ZNF837: variants seen among roughly 807,000 people sequenced by gnomAD.
ZNF837 encodes zinc finger protein 837.
For synonymous variants in ZNF837, 475 were observed against 365.2 expected, an observed-to-expected ratio of 1.30 and a Z score of -3.43; for missense variants, 955 against 801.7, an observed-to-expected ratio of 1.19 and a Z score of -2.31.
At position 58,367,871 on chromosome 19, in the gene ZNF837, A is replaced by G; in HGVS notation, c.1462T>C (p.Cys488Arg). 6 of 1,535,902 alleles carry G rather than the reference A, an allele frequency of 3.9e-6. No homozygotes were observed. Among genetic ancestry groups the G allele is most frequent in the Non-Finnish European group, 5.2e-6 (6 of 1,144,452 alleles). ...GTGCGCAGGTGGCGCACCAGGCTGC[A>G]GTTGCGCACGAAGGCCTTGCCGCAG... ...RDCGKAFVRN[C>R]SLVRHLRTHT... is the part of the protein sequence containing the mutation. Residue 488 changes from cysteine (C) to arginine (R), a missense_variant, in exon 3 of 3, where the codon TGC becomes CGC. Cys to Arg is a radical substitution (Grantham distance 180, BLOSUM62 -3). Coordinates refer to ENST00000597582, the MANE Select transcript of ZNF837 (RefSeq NM_138466.2).
chr19:58,373,725 C>T (rs2052219718), intron 1 of ZNF837, among the ~76,000 whole-genome samples: 1 of 152,232 alleles, frequency 6.6e-6, no homozygotes, highest in Admixed American at 6.5e-5. Flanking sequence ...CACTGACCGT[C>T]CCAACAGCAG....
Position 58,368,682 on chromosome 19 carries a change from C to T in ZNF837, c.651G>A (p.Arg217=), listed in dbSNP as rs1052462908. 2.5e-5 allele frequency: 38 copies of T among 1,530,688 alleles called. No individual in the cohort carries two copies. The highest frequency in any genetic ancestry group is 6.0e-5 in the South Asian group (5 of 83,674). The allele number at this position is 1,530,688 out of a possible 1,614,324, so 94.8% of individuals were successfully genotyped here. Reference sequence around the variant, plus strand: ...GACGGGGCTCCTCCGTCGCCTGCAGCCTCTCCTGGGGGATCCGCAGGGCCC... The same window carrying T: ...GACGGGGCTCCTCCGTCGCCTGCAGTCTCTCCTGGGGGATCCGCAGGGCCC... The part of the protein sequence containing the change: ...AWRALRIPQE[R]LQATEEPRPC... The change falls in exon 3 of 3, where the codon AGG becomes AGA. Residue 217 remains arginine (R), a synonymous_variant. Coordinates refer to ENST00000597582, the MANE Select transcript of ZNF837 (RefSeq NM_138466.2).
rs964321125 is a variant in ZNF837 at position 58,368,329 on chromosome 19, C to T, written c.1004G>A (p.Arg335His). The change falls in exon 3 of 3, where the codon CGC becomes CAC. Residue 335 changes from arginine to histidine, a missense_variant. Arg to His is a conservative substitution (Grantham distance 29). Coordinates refer to ENST00000597582, the MANE Select transcript of ZNF837 (RefSeq NM_138466.2). ...RHRRGPVLAR[R>H]AFRLGCPPCG... ...GGGCGGGCACCCCAGCCGGAAGGCG[C>T]GCCGCGCCAGGACGGGGCCACGCCG... is the stretch of plus-strand genomic sequence containing the variant. 9 of 1,503,700 alleles carry T rather than the reference C, an allele frequency of 6.0e-6. No individual in the cohort carries two copies. Among genetic ancestry groups the T allele is most frequent in the Non-Finnish European group, 7.9e-6 (9 of 1,134,378 alleles). 93.1% of individuals were successfully genotyped at this position (1,503,700 alleles called of 1,614,324 possible).
rs59075587 is a variant in ZNF837, at chr19:58,376,554, C to CAAAAAAAAAAAAAAAAAA, written c.-140+4369_-140+4386dup. Among the ~76,000 whole-genome samples the CAAAAAAAAAAAAAAAAAA allele has an allele frequency of 1.6e-3, 110 of 67,796 alleles. 1 individual carries two copies. The highest frequency in any genetic ancestry group is 3.3e-3 in the African/African-American group (51 of 15,554). 44.5% of individuals were successfully genotyped at this position (67,796 alleles called of 152,430 possible). On this transcript the variant is annotated intron_variant, in intron 1 of 2. Coordinates refer to ENST00000597582, the MANE Select transcript of ZNF837 (RefSeq NM_138466.2). The stretch of plus-strand genomic sequence containing the variant: ...TGGGTGACAGAGCAAGACTCTGTCT[C>CAAAAAAAAAAAAAAAAAA]AAAAAAAAAAAAAAAAAAAAAAAAA...
At chr19:58,373,058 G>A (rs1423939657) in intron 1 of ZNF837, among the ~76,000 whole-genome samples, 1 of 152,216 alleles carries the variant, frequency 6.6e-6, no homozygotes, top group Non-Finnish European at 1.5e-5. Flanking sequence ...TGTCACACGT[G>A]ATAACTGCAC....
intron 1 of ZNF837, among the ~76,000 whole-genome samples, chr19:58,376,345 G>C (rs1244786657): frequency 6.6e-6 from 1 of 151,904 alleles, no homozygotes; most frequent in African/African-American, 2.4e-5. Context: ...GAGGTCAAGA[G>C]ATCGAGACCA....
At chr19:58,372,514 TTCTG>T (rs949747525) in intron 1 of ZNF837, among the ~76,000 whole-genome samples, 2 of 152,204 alleles carry the variant, frequency 1.3e-5, no homozygotes, top group Non-Finnish European at 2.9e-5. Context: ...ATGTCACTTT[TTCTG>T]TCTGTTTTGC....
At chr19:58,375,127 C>T (rs1451926363) in intron 1 of ZNF837, among the ~76,000 whole-genome samples, 7 of 147,114 alleles carry the variant, frequency 4.8e-5, no homozygotes, top group Admixed American at 1.4e-4. Context: ...GGTGTGGTGG[C>T]AGGCGCCTGT....
intron 1 of ZNF837, among the ~76,000 whole-genome samples, chr19:58,379,850 C>T (rs1224089463): frequency 6.6e-6 from 1 of 151,982 alleles, no homozygotes. Context: ...AGGGAAGTCG[C>T]CAGGCACGGT....
intron 1 of ZNF837, among the ~76,000 whole-genome samples, 165 bp downstream of exon 1, chr19:58,380,776 C>T (rs1001678494): frequency 3.9e-5 from 6 of 152,330 alleles, no homozygotes; most frequent in Non-Finnish European, 1.5e-5. Flanking sequence ...GCTGTGTGGC[C>T]GGTCCGGACC....
intron 2 of ZNF837, 86 bp from the exon 3 acceptor site, chr19:58,369,447 C>G (rs941114027): frequency 3.5e-5 from 41 of 1,158,258 alleles, no homozygotes; most frequent in Non-Finnish European, 4.3e-5. Flanking sequence ...CACCCCACAG[C>G]TGGCACCTAC....
chr19:58,378,937 G>A (rs532246003), intron 1 of ZNF837, among the ~76,000 whole-genome samples: 1 of 152,324 alleles, frequency 6.6e-6, no homozygotes, highest in East Asian at 1.9e-4. Flanking sequence ...CCCACCCAGA[G>A]CCGTCAGAGA....
At chr19:58,370,927 A>G (rs1484624621) in intron 1 of ZNF837, among the ~76,000 whole-genome samples, 4 of 73,186 alleles carry the variant, frequency 5.5e-5, no homozygotes, top group African/African-American at 5.8e-5. Context: ...AAAGAGAGAG[A>G]GAGGGAGGGA....
chr19:58,375,433 TTTTTGTTTTG>T (rs570461413), intron 1 of ZNF837, among the ~76,000 whole-genome samples: 19 of 150,590 alleles, frequency 1.3e-4, no homozygotes, highest in South Asian at 4.2e-4. Context: ...GATTTATATA[TTTTTGTTTTG>T]TTTTGTTTTG....
chr19:58,378,475 A>G (rs916333522), intron 1 of ZNF837, among the ~76,000 whole-genome samples: 6 of 152,182 alleles, frequency 3.9e-5, no homozygotes, highest in Non-Finnish European at 8.8e-5. Context: ...AGCACTCAGC[A>G]TGACTTCCTA....
Position 58,369,328 on chromosome 19 carries a change from T to G in ZNF837, c.5A>C (p.Glu2Ala). M[E>A]APAQKAGQGG... ...CTGCCCAGCCTTCTGGGCTGGAGCC[T>G]CCATCCTGGGGCGCAGAGTTCTGGT... Residue 2 changes from glutamate (E) to alanine (A), a missense_variant, in exon 3 of 3, where the codon GAG (glutamate) becomes GCG (alanine). Coordinates refer to ENST00000597582, the MANE Select transcript of ZNF837 (RefSeq NM_138466.2). The G allele has an allele frequency of 7.3e-7, 1 of 1,360,964 alleles. No individual in the cohort carries two copies. The highest frequency in any genetic ancestry group is 9.4e-7 in the Non-Finnish European group (1 of 1,061,814). 84.3% of individuals were successfully genotyped at this position (1,360,964 alleles called of 1,614,324 possible). A position where few individuals can be genotyped will look rare whatever the true frequency, so the allele number is the denominator to read the frequency against.
intron 1 of ZNF837, among the ~76,000 whole-genome samples, chr19:58,373,474 C>A (rs1017816212): frequency 6.6e-6 from 1 of 152,234 alleles, no homozygotes; most frequent in Non-Finnish European, 1.5e-5. Context: ...ACCTCCCACG[C>A]AGGTGGAAGG....
intron 1 of ZNF837, among the ~76,000 whole-genome samples, chr19:58,378,091 A>G (rs2052263955): frequency 6.6e-6 from 1 of 152,236 alleles, no homozygotes; most frequent in Admixed American, 6.5e-5. Context: ...GAAAGCCACC[A>G]GGACCCACTG....
intron 1 of ZNF837, among the ~76,000 whole-genome samples, chr19:58,376,388 T>TA (rs1225933645): frequency 0.013 from 1,917 of 149,488 alleles, 34 homozygotes; most frequent in African/African-American, 0.042. Context: ...CCATCTCTAC[T>TA]AAAAAAAATA....
Sources: allele counts gnomAD v4.1 joint callset (sites outside exome capture counted in the v4.1 genomes callset), GRCh38; gene constraint gnomAD v4.1.1; transcripts MANE v1.5; gene names NCBI Gene and HGNC (gene_info 2026-07-23, HGNC 2026-07-21).